The following PAIP2B variants were observed in gnomAD, a reference collection of about 807,000 sequenced individuals.
PAIP2B encodes polyadenylate-binding protein-interacting protein 2B.
In PAIP2B, 13 loss-of-function variants were observed where a neutral mutation model predicts 17.0. The observed-to-expected ratio is 0.76, with a 90% CI of 0.50 to 1.22. PAIP2B has a LOEUF of 1.22. Ranked by LOEUF, PAIP2B falls within the 50% of genes most tolerant of loss-of-function variation. The pLI is 0.00. For missense variants in PAIP2B, 117 were observed against 144.5 expected (o/e 0.81, Z 0.98); for synonymous variants, 43 against 48.7 (o/e 0.88, Z 0.48).
intron 1 of PAIP2B, among the ~76,000 whole-genome samples, chr2:71,220,412 G>A (rs1675552631): frequency 6.6e-6 from 1 of 152,196 alleles, no homozygotes; most frequent in South Asian, 2.1e-4. Flanking sequence ...TGCATAGAAA[G>A]TATACAATAA....
At chr2:71,206,291 T>G (rs1234334118) in intron 1 of PAIP2B, among the ~76,000 whole-genome samples, 1 of 152,200 alleles carries the variant, frequency 6.6e-6, no homozygotes, top group Non-Finnish European at 1.5e-5. Context: ...ATAAAGGAGT[T>G]TGTGTCTGGT....
chr2:71,195,599 T>C (rs1269972809), intron 2 of PAIP2B, among the ~76,000 whole-genome samples: 5 of 152,158 alleles, frequency 3.3e-5, no homozygotes. Flanking sequence ...TATTTGGATC[T>C]TCTCTATTTT....
intron 1 of PAIP2B, among the ~76,000 whole-genome samples, chr2:71,206,954 G>A (rs550412785): frequency 3.3e-5 from 5 of 152,176 alleles, no homozygotes; most frequent in African/African-American, 7.2e-5. Context: ...CACATGATTC[G>A]GGTTTTGCTT....
intron 1 of PAIP2B, among the ~76,000 whole-genome samples, chr2:71,211,851 G>A (rs1208999385): frequency 6.6e-6 from 1 of 152,136 alleles, no homozygotes; most frequent in Non-Finnish European, 1.5e-5. Flanking sequence ...GGCATTTAAA[G>A]GCAGTTTCAA....
intron 1 of PAIP2B, among the ~76,000 whole-genome samples, chr2:71,211,013 G>A (rs1193081081): frequency 6.6e-6 from 1 of 152,314 alleles, no homozygotes; most frequent in African/African-American, 2.4e-5. Context: ...TTGGGAGGCC[G>A]AGGTGGGTGA....
At chr2:71,210,967 C>A (rs1298823637) in intron 1 of PAIP2B, among the ~76,000 whole-genome samples, 1 of 152,140 alleles carries the variant, frequency 6.6e-6, no homozygotes, top group East Asian at 1.9e-4. Context: ...ATTTAGCTGG[C>A]CAGGCGCAGT....
Position 71,188,204 on chromosome 2 carries a change from G to A in PAIP2B, c.*275C>T, listed in dbSNP as rs1674591833. The A allele has an allele frequency of 2.2e-6, 1 of 462,384 alleles. No homozygotes were observed. The highest frequency in any genetic ancestry group is 3.7e-5 in the East Asian group (1 of 27,016). 28.6% of individuals were successfully genotyped at this position (462,384 alleles called of 1,614,324 possible). ...ACCGCGGAACACTTCTGATGAAGGG[G>A]GGAAAATGCAATTTCCTTAACTCGA... On this transcript the variant is annotated 3_prime_UTR_variant, in exon 4 of 4. Transcript: ENST00000244221.
In PAIP2B at chr2:71,189,902, C is replaced by T; in HGVS notation, c.258G>A (p.Leu86=). ...CTGACAGTCCATTTAACTGCTGTTGCAACTGTCCCATGGCCTGAGGCAGGT... is the reference window on the plus strand; with the variant it reads ...CTGACAGTCCATTTAACTGCTGTTGTAACTGTCCCATGGCCTGAGGCAGGT... ...SRDLPQAMGQ[L]QQQLNGLSVS... Residue 86 remains leucine, a synonymous_variant, in exon 3 of 4, where the codon TTG becomes TTA. Coordinates refer to ENST00000244221, the MANE Select transcript of PAIP2B (RefSeq NM_020459.1). 9.5e-6 allele frequency: 15 copies of T among 1,579,578 alleles called. No individual in the cohort carries two copies. The highest frequency in any genetic ancestry group is 1.8e-5 in the Admixed American group (1 of 54,378).
rs556715384 is a variant in PAIP2B at position 71,184,342 on chromosome 2, T to C, written c.*4137A>G. The C allele has an allele frequency of 5.9e-5, 9 of 152,222 alleles. No individual in the cohort carries two copies. The South Asian group carries it at 1.2e-3, about 21-fold the overall frequency. The allele number at this position is 152,222 out of a possible 1,614,324, so 9.4% of individuals were successfully genotyped here. Reference sequence around the variant, plus strand: ...GAAGGTGAATCTCCTGCCTGACACCTTGTAGAGATTAGTGTATCCAGCTAT... The same window carrying C: ...GAAGGTGAATCTCCTGCCTGACACCCTGTAGAGATTAGTGTATCCAGCTAT... On this transcript the variant is annotated 3_prime_UTR_variant, in exon 4 of 4. Coordinates refer to ENST00000244221, the MANE Select transcript of PAIP2B (RefSeq NM_020459.1).
chr2:71,220,048 G>GGA (rs955890714), intron 1 of PAIP2B, among the ~76,000 whole-genome samples: 4 of 152,124 alleles, frequency 2.6e-5, no homozygotes, highest in African/African-American at 9.7e-5. Context: ...TCATTTGGAT[G>GGA]TACCATAGTT....
chr2:71,189,694 C>A lies in PAIP2B; in HGVS notation c.315+151G>T. 4 of 661,708 alleles carry A rather than the reference C, an allele frequency of 6.0e-6. No homozygotes were observed. The South Asian group carries it at 7.3e-5, about 12-fold the overall frequency. The allele number at this position is 661,708 out of a possible 1,614,324, so 41.0% of individuals were successfully genotyped here. A position where few individuals can be genotyped will look rare whatever the true frequency, so the allele number is the denominator to read the frequency against. On this transcript the variant is annotated intron_variant, in intron 3 of 3. Coordinates refer to ENST00000244221, the MANE Select transcript of PAIP2B (RefSeq NM_020459.1). ...GGAGCAATGCATCTTTAATGCACCC[C>A]TTATTAATAATGCCCATAAAACGAG...
At chr2:71,209,358 G>A (rs1675228513) in intron 1 of PAIP2B, among the ~76,000 whole-genome samples, 1 of 152,224 alleles carries the variant, frequency 6.6e-6, no homozygotes, top group African/African-American at 2.4e-5. Context: ...AGAGGGACAG[G>A]TTATACATAC....
intron 1 of PAIP2B, among the ~76,000 whole-genome samples, chr2:71,211,005 G>A (rs918928628): frequency 6.6e-6 from 1 of 152,188 alleles, no homozygotes; most frequent in African/African-American, 2.4e-5. Flanking sequence ...CCAGCACTTT[G>A]GGAGGCCGAG....
At chr2:71,221,144 G>A (rs1288245881) in intron 1 of PAIP2B, among the ~76,000 whole-genome samples, 1 of 152,204 alleles carries the variant, frequency 6.6e-6, no homozygotes, top group East Asian at 1.9e-4. Context: ...ATCCATTACT[G>A]AGTATCTATG....
At chr2:71,218,378 G>T (rs751413863) in intron 1 of PAIP2B, among the ~76,000 whole-genome samples, 3 of 151,060 alleles carry the variant, frequency 2.0e-5, no homozygotes, top group Non-Finnish European at 4.4e-5. Flanking sequence ...GAGAAATAAG[G>T]CACTTCCCAC....
At chr2:71,203,941 C>T (rs1669825736) in intron 1 of PAIP2B, among the ~76,000 whole-genome samples, 1 of 152,004 alleles carries the variant, frequency 6.6e-6, no homozygotes, top group African/African-American at 2.4e-5. Flanking sequence ...TAGAATACAT[C>T]TTTTTCTGTT....
intron 1 of PAIP2B, among the ~76,000 whole-genome samples, 180 bp downstream of exon 1, chr2:71,226,748 C>A (rs1675740847): frequency 6.6e-6 from 1 of 152,188 alleles, no homozygotes; most frequent in Non-Finnish European, 1.5e-5. Context: ...CGCCCCTTTT[C>A]GCCGATGGCC....
chr2:71,221,742 C>T (rs1375522558), intron 1 of PAIP2B, among the ~76,000 whole-genome samples: 2 of 152,140 alleles, frequency 1.3e-5, no homozygotes, highest in African/African-American at 4.8e-5. Context: ...TTAAAATATG[C>T]TATAGTCATA....
At chr2:71,218,511 G>A (rs1288347163) in intron 1 of PAIP2B, among the ~76,000 whole-genome samples, 2 of 152,108 alleles carry the variant, frequency 1.3e-5, no homozygotes, top group Non-Finnish European at 2.9e-5. Flanking sequence ...ATGGAAGGGC[G>A]AAACTGGAAC....
Sources: allele counts gnomAD v4.1 joint callset (sites outside exome capture counted in the v4.1 genomes callset), GRCh38; gene constraint gnomAD v4.1.1; transcripts MANE v1.5; gene names NCBI Gene and HGNC (gene_info 2026-07-23, HGNC 2026-07-21).